The following ABITRAM variants were observed in gnomAD, a reference collection of about 807,000 sequenced individuals.
The protein encoded by ABITRAM is actin binding transcription modulator, also known as protein Abitram.
Under a neutral mutation model 22.9 loss-of-function variants are expected in ABITRAM, and 19 were observed. That is an observed-to-expected ratio of 0.83 (90% CI 0.58 to 1.22). The LOEUF (loss-of-function observed/expected upper bound fraction) is 1.22, where lower values mean the gene tolerates loss of function less well. Ranked by LOEUF, ABITRAM falls within the 50% of genes most tolerant of loss-of-function variation. The pLI, the probability that ABITRAM is intolerant of heterozygous loss-of-function variation, is 0.00. For missense variants in ABITRAM, 215 were observed against 220.2 expected, an observed-to-expected ratio of 0.98 and a Z score of 0.15; for synonymous variants, 70 against 73.9, an observed-to-expected ratio of 0.95 and a Z score of 0.27.
intron 2 of ABITRAM, 147 bp downstream of exon 2, chr9:108,935,836 T>C: frequency 1.6e-6 from 1 of 610,748 alleles, no homozygotes; most frequent in South Asian, 2.0e-5. Context: ...GGTATTATTA[T>C]AGGAGTTTGT....
chr9:108,938,201 C>T (rs1051920383), intron 3 of ABITRAM, among the ~76,000 whole-genome samples: 2 of 152,194 alleles, frequency 1.3e-5, no homozygotes, highest in Non-Finnish European at 2.9e-5. Context: ...TAACACAAGC[C>T]TTCCCCTTCC....
chr9:108,942,667 T>C, downstream of ABITRAM: 2 of 848,184 alleles, frequency 2.4e-6, no homozygotes, highest in South Asian at 3.3e-5. Flanking sequence ...TATTGTTTTC[T>C]TTATAAAATT....
Position 108,939,967 on chromosome 9 carries a change from A to C in ABITRAM, c.*281A>C, listed in dbSNP as rs111581446. ...AAGGCATGTTTTTCTGATTAAAAAC[A>C]AACAAAGCTCTTTGAAGAAGATTTA... On this transcript the variant is annotated 3_prime_UTR_variant, in exon 6 of 6. Coordinates refer to ENST00000322940, the MANE Select transcript of ABITRAM (RefSeq NM_017832.4). 1 of 321,906 alleles carries C rather than the reference A, an allele frequency of 3.1e-6. No homozygotes were observed. Among genetic ancestry groups the C allele is most frequent in the Non-Finnish European group, 5.7e-6 (1 of 176,648 alleles). 19.9% of individuals were successfully genotyped at this position (321,906 alleles called of 1,614,324 possible).
At chr9:108,945,272 A>G (rs925694353), downstream of ABITRAM, among the ~76,000 whole-genome samples, 1 of 152,128 alleles carries the variant, frequency 6.6e-6, no homozygotes, top group African/African-American at 2.4e-5. Context: ...ACAGTGTAGT[A>G]TTTGCATATA....
At chr9:108,938,697 G>GGGC (rs1830219363) in intron 3 of ABITRAM, among the ~76,000 whole-genome samples, 1 of 145,312 alleles carries the variant, frequency 6.9e-6, no homozygotes, top group Admixed American at 6.9e-5. Flanking sequence ...CAAAGGGGGG[G>GGGC]GGGGGAAAGA....
chr9:108,939,765 A>G lies in ABITRAM; in HGVS notation c.*79A>G. On this transcript the variant is annotated 3_prime_UTR_variant, in exon 6 of 6. Coordinates refer to ENST00000322940, the MANE Select transcript of ABITRAM (RefSeq NM_017832.4). ...ATCAGGGTACTAAAGGAGAAGAACC[A>G]GTATATGTAAAGCATACCTAACAGC... is the stretch of plus-strand genomic sequence containing the variant. The G allele has an allele frequency of 6.5e-7, 1 of 1,542,104 alleles. No homozygotes were observed. Among genetic ancestry groups the G allele is most frequent in the East Asian group, 2.3e-5 (1 of 44,388 alleles).
In ABITRAM at chr9:108,935,667, T is replaced by G; in HGVS notation, c.109T>G (p.Cys37Gly). ...CAAAGGAAAATTTTGTGAGGACCAC[T>G]GTATACTACAGCACTCTAACCGGTA... Reference protein sequence around the residue: ...DVKGKFCEDHCILQHSNRICV... With the variant: ...DVKGKFCEDHGILQHSNRICV... The change falls in exon 2 of 6, where the codon TGT (cysteine) becomes GGT (glycine). Residue 37 changes from cysteine (C) to glycine (G), a missense_variant. By Grantham distance (159) the Cys-to-Gly change is radical (BLOSUM62 -3). Coordinates refer to ENST00000322940, the MANE Select transcript of ABITRAM (RefSeq NM_017832.4). The G allele has an allele frequency of 6.2e-7, 1 of 1,613,626 alleles. No homozygotes were observed. The highest frequency in any genetic ancestry group is 2.2e-5 in the East Asian group (1 of 44,872).
At chr9:108,945,712 T>C (rs1433415538), downstream of ABITRAM, among the ~76,000 whole-genome samples, 1 of 151,762 alleles carries the variant, frequency 6.6e-6, no homozygotes, top group Non-Finnish European at 1.5e-5. Flanking sequence ...TGGACTCAAG[T>C]GATCCTCCCA....
At chr9:108,944,477 G>T (rs1830341474), downstream of ABITRAM, among the ~76,000 whole-genome samples, 2 of 152,204 alleles carry the variant, frequency 1.3e-5, no homozygotes, top group Admixed American at 6.5e-5. Context: ...ACATTTGAGA[G>T]AACCAATCCA....
chr9:108,935,637 G>A lies in ABITRAM; in HGVS notation c.80-1G>A, dbSNP rs752955442. On this transcript the variant is annotated splice_acceptor_variant, in intron 1 of 5. Coordinates refer to ENST00000322940, the MANE Select transcript of ABITRAM (RefSeq NM_017832.4). LOFTEE classifies it high-confidence loss of function. ...ACCAACAGACTCATGTATTCTTCTA[G>A]ATGTCAAAGGAAAATTTTGTGAGGA... The A allele has an allele frequency of 1.9e-6, 3 of 1,611,386 alleles. No homozygotes were observed. In the East Asian group the frequency reaches 6.7e-5, roughly 36 times the overall value.
At chr9:108,945,689 G>A (rs190672025), downstream of ABITRAM, among the ~76,000 whole-genome samples, 11 of 150,064 alleles carry the variant, frequency 7.3e-5, no homozygotes, top group East Asian at 2.2e-3. Context: ...TGCCCCAGCT[G>A]GTCTCAAACT....
chr9:108,937,839 T>G (rs1830207937), intron 3 of ABITRAM, among the ~76,000 whole-genome samples: 1 of 150,898 alleles, frequency 6.6e-6, no homozygotes, highest in African/African-American at 2.5e-5. Flanking sequence ...AAAAAAAAAT[T>G]TTTTTTTAAT....
At chr9:108,949,291 C>A (rs1830492213) in intron 3 of ABITRAM, among the ~76,000 whole-genome samples, 1 of 152,192 alleles carries the variant, frequency 6.6e-6, no homozygotes, top group Non-Finnish European at 1.5e-5. Flanking sequence ...CGTAGTGCAA[C>A]CCCTCATGTT....
chr9:108,949,900 T>A (rs1830508653), intron 3 of ABITRAM, among the ~76,000 whole-genome samples: 1 of 151,426 alleles, frequency 6.6e-6, no homozygotes, highest in Non-Finnish European at 1.5e-5. Context: ...GATGTGTGCC[T>A]GTAATCCCAG....
Position 108,936,407 on chromosome 9 carries a change from T to G in ABITRAM, c.231T>G (p.Leu77=). 6.2e-7 allele frequency: 1 copy of G among 1,613,920 alleles called. No homozygotes were observed. The stretch of plus-strand genomic sequence containing the variant: ...AGATCAGTACCAACTGTAGCAGACT[T>G]CAGAACAAGGTCTCTGGGAAATTTA... The part of the protein sequence containing the change: ...SYQISTNCSR[L]QNKVSGKFKR... The change falls in exon 3 of 6, where the codon CTT becomes CTG. Residue 77 remains leucine (L), a synonymous_variant. Transcript: ENST00000322940.
At chr9:108,935,973 A>G in intron 2 of ABITRAM, 1 of 519,436 alleles carries the variant, frequency 1.9e-6, no homozygotes. Flanking sequence ...CAACTACTGA[A>G]CTGTTCAGAG....
chr9:108,950,222 G>A (rs1437522682), intron 3 of ABITRAM, among the ~76,000 whole-genome samples: 6 of 152,278 alleles, frequency 3.9e-5, no homozygotes, highest in African/African-American at 1.4e-4. Flanking sequence ...TGTTATTTCA[G>A]TTAGTCTGTG....
chr9:108,945,022 T>C (rs924291431), downstream of ABITRAM, among the ~76,000 whole-genome samples: 4 of 152,208 alleles, frequency 2.6e-5, no homozygotes, highest in Non-Finnish European at 4.4e-5. Context: ...CTTTCTATTC[T>C]GCAAATTTTC....
intron 3 of ABITRAM, chr9:108,948,346 GAAT>G (rs1275950921): frequency 1.2e-5 from 10 of 868,004 alleles, no homozygotes; most frequent in African/African-American, 5.2e-5. Context: ...AAATTTTGAA[GAAT>G]AATATGAATA....
Sources: allele counts gnomAD v4.1 joint callset (sites outside exome capture counted in the v4.1 genomes callset), GRCh38; gene constraint gnomAD v4.1.1; transcripts MANE v1.5; gene names NCBI Gene and HGNC (gene_info 2026-07-23, HGNC 2026-07-21).